The following NFASC variants were observed in gnomAD, a reference collection of about 807,000 sequenced individuals.
NFASC encodes the protein neurofascin.
Under a neutral mutation model 147.5 loss-of-function variants are expected in NFASC, and 43 were observed. The ratio of observed to expected loss-of-function variants is 0.29; its 90% confidence interval spans 0.23 to 0.38. The LOEUF is 0.38. NFASC is among the 10% of genes least tolerant of loss of function. NFASC has a pLI of 1.00. For synonymous variants in NFASC, 622 were observed against 665.5 expected (o/e 0.93, Z 1.01); for missense variants, 1,320 against 1,689.0 (o/e 0.78, Z 3.83).
In NFASC at chr1:204,973,025, G is replaced by A. The variant is rs942374080; in HGVS notation, c.1136-251G>A. Among the ~76,000 whole-genome samples the A allele has an allele frequency of 1.2e-4, 19 of 152,320 alleles. No individual in the cohort carries two copies. In the East Asian group the frequency reaches 3.5e-3, roughly 28 times the overall value. ...GCTCTCAACCACAACTGCCCAATGG[G>A]TAGGTAGGTCGAACAGGAATTCATA... On this transcript the variant is annotated intron_variant, in intron 11 of 29. Transcript: ENST00000339876.
At chr1:204,958,222 G>A (rs1321668968) in intron 8 of NFASC, among the ~76,000 whole-genome samples, 1 of 151,982 alleles carries the variant, frequency 6.6e-6, no homozygotes, top group South Asian at 2.1e-4. Flanking sequence ...ACCCCTCTCC[G>A]GACACAGCTT....
chr1:204,888,243 C>T (rs2081696326), intron 1 of NFASC, among the ~76,000 whole-genome samples: 1 of 152,220 alleles, frequency 6.6e-6, no homozygotes, highest in Non-Finnish European at 1.5e-5. Context: ...CACTGTACTG[C>T]AGAACCAAGT....
intron 1 of NFASC, among the ~76,000 whole-genome samples, chr1:204,832,181 G>A (rs186874863): frequency 6.6e-6 from 1 of 152,310 alleles, no homozygotes; most frequent in African/African-American, 2.4e-5. Flanking sequence ...GCTAGATGTG[G>A]CTAGAACCTG....
intron 29 of NFASC, among the ~76,000 whole-genome samples, chr1:205,014,643 G>C (rs894292450): frequency 1.3e-5 from 2 of 152,016 alleles, no homozygotes; most frequent in Non-Finnish European, 2.9e-5. Context: ...AGGTCTGTTC[G>C]GTCTGTTCTT....
intron 17 of NFASC, 138 bp from the exon 18 acceptor site, chr1:204,978,830 C>G (rs1362102958): frequency 1.6e-6 from 1 of 619,902 alleles, no homozygotes; most frequent in Non-Finnish European, 2.8e-6. Context: ...GGTCCCTGTG[C>G]TCACCCCTCA....
intron 1 of NFASC, among the ~76,000 whole-genome samples, chr1:204,882,624 G>A (rs1385538181): frequency 6.6e-6 from 1 of 152,094 alleles, no homozygotes; most frequent in Non-Finnish European, 1.5e-5. Context: ...GGCTCTGTGA[G>A]TGCTGGGACA....
rs1405991149 is a variant in NFASC at position 205,001,221 on chromosome 1, G to T, written c.3071G>T (p.Trp1024Leu). 1 of 1,612,754 alleles carries T rather than the reference G, an allele frequency of 6.2e-7. No homozygotes were observed. Among genetic ancestry groups the T allele is most frequent in the East Asian group, 2.2e-5 (1 of 44,846 alleles). ...GTCACGGTGCTCCCCAACAGTAAAT[G>T]GGCCAACATCACCTGGAAGCACAAT... ...WNVTVLPNSK[W>L]ANITWKHNFG... The change falls in exon 26 of 30, where the codon TGG (tryptophan) becomes TTG (leucine). Residue 1024 changes from tryptophan to leucine, a missense_variant. Trp to Leu is a moderately conservative substitution (Grantham distance 61, BLOSUM62 -2). This residue lies in a region of NFASC where 172 missense variants were observed against 165.8 expected (regional missense o/e 1.04). Transcript: ENST00000339876.
chr1:204,997,791 G>A lies in NFASC; in HGVS notation c.3019+385G>A, dbSNP rs184659612. 4.9e-3 allele frequency: 1,656 copies of A among 339,770 alleles called. 18 individuals carry two copies. Among genetic ancestry groups the A allele is most frequent in the Middle Eastern group, 0.013 (14 of 1,044 alleles). 21.0% of individuals were successfully genotyped at this position (339,770 alleles called of 1,614,324 possible). On this transcript the variant is annotated intron_variant, in intron 25 of 29. Coordinates refer to ENST00000339876, the MANE Select transcript of NFASC (RefSeq NM_001005388.3). ...TCAGAGCCGAGCACTCCAGAAGGAAGACAGCGTGAGGAGGGGAAAAGGACC... is the reference window on the plus strand; with the variant it reads ...TCAGAGCCGAGCACTCCAGAAGGAAAACAGCGTGAGGAGGGGAAAAGGACC...
At chr1:204,914,764 C>A (rs2088728730) in intron 1 of NFASC, among the ~76,000 whole-genome samples, 2 of 152,158 alleles carry the variant, frequency 1.3e-5, no homozygotes, top group African/African-American at 4.8e-5. Flanking sequence ...TCACTACATT[C>A]ATGGAGAGCA....
chr1:204,892,314 GT>G, intron 1 of NFASC, among the ~76,000 whole-genome samples: 1 of 152,134 alleles, frequency 6.6e-6, no homozygotes, highest in East Asian at 1.9e-4. Flanking sequence ...CCACTGTCTT[GT>G]TGCATAACAA....
intron 27 of NFASC, among the ~76,000 whole-genome samples, chr1:205,003,378 C>T (rs908142472): frequency 6.6e-6 from 1 of 152,172 alleles, no homozygotes; most frequent in African/African-American, 2.4e-5. Flanking sequence ...GGCTCTATAG[C>T]GGCTTTAGCT....
In NFASC at chr1:204,997,425, G is replaced by A; in HGVS notation, c.3019+19G>A. The A allele has an allele frequency of 6.4e-7, 1 of 1,551,642 alleles. No homozygotes were observed. The highest frequency in any genetic ancestry group is 8.7e-7 in the Non-Finnish European group (1 of 1,146,932). ...GAATCCGGTACTGCGCATCGCCCAT[G>A]CTCCCCATCCCCTCCTGGCCCGCCT... On this transcript the variant is annotated intron_variant, in intron 25 of 29. Transcript: ENST00000339876.
At chr1:205,013,956 GA>G (rs1200233410) in intron 29 of NFASC, among the ~76,000 whole-genome samples, 1 of 152,204 alleles carries the variant, frequency 6.6e-6, no homozygotes, top group Non-Finnish European at 1.5e-5. Context: ...GACATTCCCA[GA>G]AGCATCCTGA....
intron 2 of NFASC, among the ~76,000 whole-genome samples, chr1:204,927,418 A>C (rs1408414041): frequency 6.6e-6 from 1 of 152,196 alleles, no homozygotes; most frequent in Non-Finnish European, 1.5e-5. Flanking sequence ...TGGCTGAATG[A>C]TATTCCTCTG....
chr1:204,925,307 CAGAG>C (rs1009698884), intron 2 of NFASC, among the ~76,000 whole-genome samples: 12 of 152,094 alleles, frequency 7.9e-5, no homozygotes, highest in Non-Finnish European at 1.2e-4. Flanking sequence ...CATAAGAAAA[CAGAG>C]AGAGAGAATA....
chr1:204,946,708 A>C, intron 3 of NFASC: 1 of 518,890 alleles, frequency 1.9e-6, no homozygotes, highest in Non-Finnish European at 3.9e-6. Context: ...CATTTCTGGC[A>C]ATTTCTATAG....
At chr1:204,917,888 T>C (rs1021549133) in intron 1 of NFASC, among the ~76,000 whole-genome samples, 2 of 152,230 alleles carry the variant, frequency 1.3e-5, no homozygotes, top group African/African-American at 4.8e-5. Flanking sequence ...ATCTGATTGC[T>C]AGAGGTGCTC....
intron 1 of NFASC, among the ~76,000 whole-genome samples, chr1:204,868,316 G>T (rs990457005): frequency 6.6e-6 from 1 of 152,218 alleles, no homozygotes; most frequent in African/African-American, 2.4e-5. Context: ...TGGCACACCA[G>T]ACCTCTTTGG....
At chr1:205,005,817 C>A (rs925385249) in intron 27 of NFASC, among the ~76,000 whole-genome samples, 1 of 152,208 alleles carries the variant, frequency 6.6e-6, no homozygotes, top group African/African-American at 2.4e-5. Flanking sequence ...ACAGGAAATT[C>A]TTTCACCTTT....
Sources: gnomAD v4.1 joint callset for allele counts (sites outside exome capture counted in the v4.1 genomes callset) on GRCh38, gnomAD v4.1.1 for gene constraint, gnomAD v4.1.1 regional missense constraint, MANE v1.5 for transcripts, NCBI Gene and HGNC (gene_info 2026-07-23, HGNC 2026-07-21) for gene names.